Variants in ERBB4 observed in about 807,000 individuals in gnomAD.
ERBB4 encodes the protein receptor tyrosine-protein kinase erbB-4.
ERBB4 carries 42 observed loss-of-function variants against 158.0 expected under a neutral mutation model. That is an observed-to-expected ratio of 0.27 (90% CI 0.21 to 0.34). ERBB4 has a LOEUF of 0.34. Among genes scored for constraint, ERBB4 ranks in the 10% least tolerant of loss-of-function variants. ERBB4 has a pLI of 1.00. For missense variants in ERBB4, 1,333 were observed against 1,624.1 expected, an observed-to-expected ratio of 0.82 and a Z score of 3.08; for synonymous variants, 583 against 558.7, an observed-to-expected ratio of 1.04 and a Z score of -0.61.
chr2:211,991,615 G>A (rs993434340), intron 2 of ERBB4, among the ~76,000 whole-genome samples: 1 of 152,060 alleles, frequency 6.6e-6, no homozygotes, highest in African/African-American at 2.4e-5. Flanking sequence ...GACTTAGAAG[G>A]TAAATCCAGG....
chr2:211,804,944 G>A (rs1027627921), intron 3 of ERBB4, among the ~76,000 whole-genome samples: 2 of 148,072 alleles, frequency 1.4e-5, no homozygotes, highest in Non-Finnish European at 3.0e-5. Context: ...TTTTGAGATG[G>A]TGTGTTGCTC....
Position 212,181,331 on chromosome 2 carries a change from G to A in ERBB4, c.83-56428C>T, listed in dbSNP as rs13414136. On this transcript the variant is annotated intron_variant, in intron 1 of 27. Coordinates refer to ENST00000342788, the MANE Select transcript of ERBB4 (RefSeq NM_005235.3). ...TTGTTGGGCTGCCAATATTGAATATGTGGTATATAAGATACATAATACATA... is the reference window on the plus strand; with the variant it reads ...TTGTTGGGCTGCCAATATTGAATATATGGTATATAAGATACATAATACATA... Among the ~76,000 whole-genome samples the A allele has an allele frequency of 6.2e-3, 937 of 151,702 alleles. 7 individuals carry two copies. The highest frequency in any genetic ancestry group is 0.021 in the African/African-American group (868 of 41,482).
At chr2:212,080,541 A>G (rs976020819) in intron 2 of ERBB4, among the ~76,000 whole-genome samples, 1 of 151,566 alleles carries the variant, frequency 6.6e-6, no homozygotes, top group African/African-American at 2.4e-5. Flanking sequence ...TTTTATGTTG[A>G]TTTACATGTT....
chr2:212,127,564 C>T (rs1166563817), intron 1 of ERBB4, among the ~76,000 whole-genome samples: 14 of 152,064 alleles, frequency 9.2e-5, no homozygotes, highest in Admixed American at 9.2e-4. Context: ...TGCACTCCAG[C>T]CTGGGCAACA....
At chr2:212,348,647 A>G (rs2089121347) in intron 1 of ERBB4, among the ~76,000 whole-genome samples, 3 of 147,944 alleles carry the variant, frequency 2.0e-5, no homozygotes, top group African/African-American at 7.3e-5. Context: ...TTCAGTGGAC[A>G]GACTTGGTCA....
At chr2:211,474,116 C>T (rs577269439) in intron 20 of ERBB4, among the ~76,000 whole-genome samples, 45 of 152,038 alleles carry the variant, frequency 3.0e-4, no homozygotes, top group Middle Eastern at 3.4e-3. Context: ...AAGTATTTGG[C>T]CACTTGTGTA....
chr2:212,374,230 C>T (rs1440957864), intron 1 of ERBB4, among the ~76,000 whole-genome samples: 4 of 150,902 alleles, frequency 2.7e-5, no homozygotes, highest in Non-Finnish European at 5.9e-5. Flanking sequence ...AATAATAATG[C>T]TGTATATTAT....
chr2:211,721,612 CT>C (rs937980955), intron 7 of ERBB4, among the ~76,000 whole-genome samples: 8 of 92,588 alleles, frequency 8.6e-5, no homozygotes, highest in African/African-American at 1.3e-4. Context: ...GGTTAATTTG[CT>C]ATTAAACATA....
intron 3 of ERBB4, among the ~76,000 whole-genome samples, chr2:211,797,461 T>A (rs1336246491): frequency 6.6e-6 from 1 of 151,960 alleles, no homozygotes; most frequent in Non-Finnish European, 1.5e-5. Context: ...AAAAGTATGA[T>A]TTTTCTTGAT....
At chr2:211,494,287 G>A (rs952304922) in intron 20 of ERBB4, among the ~76,000 whole-genome samples, 1 of 152,092 alleles carries the variant, frequency 6.6e-6, no homozygotes, top group African/African-American at 2.4e-5. Flanking sequence ...ATAGGCGTGA[G>A]CCACCGCACC....
At chr2:212,261,386 C>T (rs1476809674) in intron 1 of ERBB4, among the ~76,000 whole-genome samples, 1 of 151,942 alleles carries the variant, frequency 6.6e-6, no homozygotes, top group Non-Finnish European at 1.5e-5. Flanking sequence ...AAAGTTTGAA[C>T]AGAAAGATAA....
intron 3 of ERBB4, among the ~76,000 whole-genome samples, chr2:211,876,270 T>G (rs1316878769): frequency 6.6e-6 from 1 of 152,142 alleles, no homozygotes; most frequent in Non-Finnish European, 1.5e-5. Context: ...AGTAGGTATT[T>G]TGGATTTATG....
chr2:211,527,540 G>A (rs1293625696), intron 20 of ERBB4, among the ~76,000 whole-genome samples: 1 of 151,968 alleles, frequency 6.6e-6, no homozygotes, highest in African/African-American at 2.4e-5. Flanking sequence ...TAAGTACAGA[G>A]AATAATACAA....
rs1192346575 is a variant in ERBB4 at position 212,538,566 on chromosome 2, A to G, written c.-36T>C. On this transcript the variant is annotated 5_prime_UTR_variant, in exon 1 of 28. The change abolishes an upstream ATG in the 5' untranslated region. Coordinates refer to ENST00000342788, the MANE Select transcript of ERBB4 (RefSeq NM_005235.3). ...TCTCAGATCCCGTGCTGACAATTAC[A>G]TGTCCAAATGGCATATCCCCCTTTC... 1 of 1,582,120 alleles carries G rather than the reference A, an allele frequency of 6.3e-7. No homozygotes were observed. The highest frequency in any genetic ancestry group is 1.3e-5 in the African/African-American group (1 of 74,322).
intron 1 of ERBB4, among the ~76,000 whole-genome samples, chr2:212,528,417 C>G (rs897385858): frequency 2.6e-5 from 4 of 152,258 alleles, no homozygotes; most frequent in African/African-American, 9.6e-5. Flanking sequence ...TACTTCGTAT[C>G]TCTAGTCCCT....
At chr2:211,732,555 T>G (rs1350384887) in intron 5 of ERBB4, among the ~76,000 whole-genome samples, 1 of 152,192 alleles carries the variant, frequency 6.6e-6, no homozygotes, top group African/African-American at 2.4e-5. Flanking sequence ...ATACCCCACA[T>G]GTAAAATAAC....
intron 1 of ERBB4, among the ~76,000 whole-genome samples, chr2:212,164,125 G>C (rs2081280032): frequency 6.6e-6 from 1 of 151,740 alleles, no homozygotes; most frequent in Non-Finnish European, 1.5e-5. Context: ...ATATCAAATA[G>C]GCTGATGTTA....
chr2:212,127,580 A>C (rs907369881), intron 1 of ERBB4, among the ~76,000 whole-genome samples: 5 of 152,230 alleles, frequency 3.3e-5, no homozygotes, highest in African/African-American at 9.6e-5. Context: ...CAACAGAGCG[A>C]GACTCCATCT....
intron 1 of ERBB4, among the ~76,000 whole-genome samples, chr2:212,308,100 CTCAGA>C (rs958792198): frequency 6.6e-6 from 1 of 151,000 alleles, no homozygotes; most frequent in Non-Finnish European, 1.5e-5. Flanking sequence ...GCTGAATGAG[CTCAGA>C]TGAGAGTTGT....
Sources: allele counts gnomAD v4.1 joint callset (sites outside exome capture counted in the v4.1 genomes callset), GRCh38; gene constraint gnomAD v4.1.1; transcripts MANE v1.5; gene names NCBI Gene and HGNC (gene_info 2026-07-23, HGNC 2026-07-21).